The following ISOC1 variants were observed in gnomAD, a reference collection of about 807,000 sequenced individuals.
ISOC1 encodes isochorismatase domain-containing protein 1.
Under a neutral mutation model 30.0 loss-of-function variants are expected in ISOC1, and 33 were observed. The ratio of observed to expected loss-of-function variants is 1.10; its 90% CI spans 0.83 to 1.47. The LOEUF (loss-of-function observed/expected upper bound fraction) is 1.47, where lower values mean the gene tolerates loss of function less well. Among genes scored for constraint, ISOC1 ranks in the 40% most tolerant of loss-of-function variants. The pLI is 0.00. For synonymous variants in ISOC1, 178 were observed against 159.8 expected, an observed-to-expected ratio of 1.11 and a Z score of -0.86; for missense variants, 372 against 388.0, an observed-to-expected ratio of 0.96 and a Z score of 0.35.
intron 1 of ISOC1, among the ~76,000 whole-genome samples, chr5:129,100,076 C>T (rs986204513): frequency 1.3e-5 from 2 of 151,724 alleles, no homozygotes. Flanking sequence ...TAGCTGTGGT[C>T]ATCGGATTTC....
chr5:129,105,716 AATAC>A (rs1753630326), intron 3 of ISOC1, among the ~76,000 whole-genome samples: 1 of 152,120 alleles, frequency 6.6e-6, no homozygotes, highest in African/African-American at 2.4e-5. Flanking sequence ...CTACTTTTGG[AATAC>A]ATTTTCACCA....
At chr5:129,111,267 G>T (rs961498992) in intron 4 of ISOC1, among the ~76,000 whole-genome samples, 5 of 151,942 alleles carry the variant, frequency 3.3e-5, no homozygotes, top group African/African-American at 1.2e-4. Context: ...AATAGCTGCT[G>T]TTTTTGTTTT....
intron 1 of ISOC1, among the ~76,000 whole-genome samples, chr5:129,095,525 C>G (rs1255370340): frequency 6.6e-6 from 1 of 152,208 alleles, no homozygotes; most frequent in Non-Finnish European, 1.5e-5. Context: ...GTTGTGTTAA[C>G]CACTTGCGGA....
intron 1 of ISOC1, among the ~76,000 whole-genome samples, chr5:129,096,354 A>G (rs1327566935): frequency 6.6e-6 from 1 of 152,132 alleles, no homozygotes; most frequent in Non-Finnish European, 1.5e-5. Context: ...ATTATTCCCT[A>G]GTTTTTTTCC....
chr5:129,111,668 A>G (rs1753710584), intron 4 of ISOC1, among the ~76,000 whole-genome samples: 1 of 152,014 alleles, frequency 6.6e-6, no homozygotes, highest in South Asian at 2.1e-4. Context: ...CAGAGAATGA[A>G]TCTGTGCTAT....
intron 1 of ISOC1, among the ~76,000 whole-genome samples, chr5:129,099,492 C>G (rs1006744238): frequency 1.4e-4 from 22 of 152,214 alleles, no homozygotes; most frequent in Non-Finnish European, 1.0e-4. Flanking sequence ...TATTATTTCA[C>G]AGCCTAAATT....
chr5:129,096,015 C>T (rs1390929959), intron 1 of ISOC1, among the ~76,000 whole-genome samples: 1 of 152,080 alleles, frequency 6.6e-6, no homozygotes, highest in African/African-American at 2.4e-5. Context: ...ATGTGGGATT[C>T]GGGGATAAAA....
rs770227408 is a variant in ISOC1 at position 129,094,871 on chromosome 5, C to T, written c.105C>T (p.Phe35=). 1 of 1,596,456 alleles carries T rather than the reference C, an allele frequency of 6.3e-7. No individual in the cohort carries two copies. Among genetic ancestry groups the T allele is most frequent in the South Asian group, 1.1e-5 (1 of 88,184 alleles). The part of the protein sequence containing the change: ...TVPVLFCFSV[F]ARPSSVPHGA... ...CGGTGCTCTTCTGTTTCTCAGTCTTCGCGCGACCCTCGTCGGTGCCACACG... is the reference window on the plus strand; with the variant it reads ...CGGTGCTCTTCTGTTTCTCAGTCTTTGCGCGACCCTCGTCGGTGCCACACG... The change falls in exon 1 of 5, where the codon TTC becomes TTT. Residue 35 remains phenylalanine, a synonymous_variant. Coordinates refer to ENST00000173527, the MANE Select transcript of ISOC1 (RefSeq NM_016048.2).
Position 129,105,305 on chromosome 5 carries a change from A to G in ISOC1, c.550A>G (p.Lys184Glu), listed in dbSNP as rs893052938. The change falls in exon 3 of 5, where the codon AAG becomes GAG. Residue 184 changes from lysine to glutamate, a missense_variant. Transcript: ENST00000173527. ...TGTAAAACTGGTACTTCCAAAGACC[A>G]AGTTTTCAATGGTATTACCAGAAGT... ...TGVKLVLPKT[K>E]FSMVLPEVEA... The G allele has an allele frequency of 6.2e-6, 10 of 1,613,910 alleles. No homozygotes were observed. In the African/African-American group the frequency reaches 8.0e-5, roughly 13 times the overall value.
intron 3 of ISOC1, among the ~76,000 whole-genome samples, chr5:129,106,193 A>G (rs1006556931): frequency 1.3e-5 from 2 of 152,136 alleles, no homozygotes; most frequent in African/African-American, 2.4e-5. Flanking sequence ...CTCAATCACA[A>G]TTATCTTTGA....
intron 3 of ISOC1, among the ~76,000 whole-genome samples, chr5:129,106,590 A>G (rs1753640547): frequency 6.6e-6 from 1 of 152,218 alleles, no homozygotes; most frequent in Non-Finnish European, 1.5e-5. Context: ...AATGAAGAAA[A>G]AAACTCAAAG....
At chr5:129,110,059 CT>C (rs1753686034) in intron 4 of ISOC1, among the ~76,000 whole-genome samples, 1 of 152,192 alleles carries the variant, frequency 6.6e-6, no homozygotes, top group Non-Finnish European at 1.5e-5. Flanking sequence ...ATAAAATCCT[CT>C]CTTGACCTTG....
chr5:129,100,508 A>T (rs530785538), intron 1 of ISOC1, among the ~76,000 whole-genome samples: 1 of 152,110 alleles, frequency 6.6e-6, no homozygotes, highest in Non-Finnish European at 1.5e-5. Flanking sequence ...ACATATATTT[A>T]TATGTGATTT....
At chr5:129,099,620 CATATT>C (rs1753546936) in intron 1 of ISOC1, among the ~76,000 whole-genome samples, 1 of 152,164 alleles carries the variant, frequency 6.6e-6, no homozygotes, top group Non-Finnish European at 1.5e-5. Context: ...CCTTATTCTG[CATATT>C]ATGTTAACAT....
At chr5:129,101,192 A>ATATATATAT (rs57103158) in intron 1 of ISOC1, among the ~76,000 whole-genome samples, 11 of 42,220 alleles carry the variant, frequency 2.6e-4, no homozygotes, top group East Asian at 8.4e-4. Context: ...AAAAAAAAAA[A>ATATATATAT]ATATATATAT....
rs1196503981 is a variant in ISOC1, at chr5:129,111,738, T to A, written c.751-1117T>A. Among the ~76,000 whole-genome samples, 5 of 152,280 alleles carry A rather than the reference T, an allele frequency of 3.3e-5. No homozygotes were observed. The East Asian group carries it at 9.6e-4, about 29-fold the overall frequency. The stretch of plus-strand genomic sequence containing the variant: ...CCCTTTACCCCCGACTTTCTGTTCT[T>A]TGCTCTCTTCCTTCCCTTCTTTCCC... On this transcript the variant is annotated intron_variant, in intron 4 of 4. Coordinates refer to ENST00000173527, the MANE Select transcript of ISOC1 (RefSeq NM_016048.2).
chr5:129,112,927 C>T lies in ISOC1; in HGVS notation c.823C>T (p.His275Tyr), dbSNP rs1263201759. ...GCTTCAGCTGGTAGCTGATAAGGACCATCCAAAATTCAAGGAAATTCAGAA... is the reference window on the plus strand; with the variant it reads ...GCTTCAGCTGGTAGCTGATAAGGACTATCCAAAATTCAAGGAAATTCAGAA... ...VLLQLVADKD[H>Y]PKFKEIQNLI... Residue 275 changes from histidine to tyrosine, a missense_variant, in exon 5 of 5, where the codon CAT becomes TAT. His to Tyr is a moderately conservative substitution (Grantham distance 83). Coordinates refer to ENST00000173527, the MANE Select transcript of ISOC1 (RefSeq NM_016048.2). 1 of 1,613,656 alleles carries T rather than the reference C, an allele frequency of 6.2e-7. No individual in the cohort carries two copies. The highest frequency in any genetic ancestry group is 8.5e-7 in the Non-Finnish European group (1 of 1,179,798).
At chr5:129,096,372 T>C (rs1753501404) in intron 1 of ISOC1, among the ~76,000 whole-genome samples, 1 of 152,180 alleles carries the variant, frequency 6.6e-6, no homozygotes, top group South Asian at 2.1e-4. Flanking sequence ...TCCGCTGTAG[T>C]TGGCAGCTGA....
intron 4 of ISOC1, among the ~76,000 whole-genome samples, chr5:129,108,302 G>A (rs144465478): frequency 6.6e-6 from 1 of 152,296 alleles, no homozygotes; most frequent in East Asian, 1.9e-4. Flanking sequence ...GAAGCAGGCA[G>A]GTAGCTGGCC....
Sources: gnomAD v4.1 joint callset for allele counts (sites outside exome capture counted in the v4.1 genomes callset) on GRCh38, gnomAD v4.1.1 for gene constraint, MANE v1.5 for transcripts, NCBI Gene and HGNC (gene_info 2026-07-23, HGNC 2026-07-21) for gene names.